Variants in EPYC observed in about 807,000 individuals in gnomAD.
The protein encoded by EPYC is dermatan sulfate proteoglycan 3.
In EPYC, 28 loss-of-function variants were observed where a neutral mutation model predicts 30.1. The ratio of observed to expected loss-of-function variants is 0.93; its 90% confidence interval spans 0.69 to 1.28. The LOEUF (loss-of-function observed/expected upper bound fraction) is 1.28. Among genes scored for constraint, EPYC ranks in the 50% most tolerant of loss-of-function variants. EPYC has a pLI of 0.00. For missense variants in EPYC, 382 were observed against 383.5 expected (o/e 1.00, Z 0.03); for synonymous variants, 144 against 141.4 (o/e 1.02, Z -0.13).
intron 3 of EPYC, among the ~76,000 whole-genome samples, chr12:90,974,072 A>ACACACACC (rs71094701): frequency 0.021 from 3,097 of 144,092 alleles, 38 homozygotes; most frequent in Middle Eastern, 0.045. Flanking sequence ...ACACACACAC[A>ACACACACC]CCCCTACCTC....
chr12:90,991,616 G>A (rs1281321916), intron 2 of EPYC, among the ~76,000 whole-genome samples: 2 of 152,112 alleles, frequency 1.3e-5, no homozygotes, highest in Non-Finnish European at 2.9e-5. Flanking sequence ...AGATGACACA[G>A]TACTAGAGAA....
intron 2 of EPYC, among the ~76,000 whole-genome samples, chr12:90,987,777 GGT>G (rs538650633): frequency 9.2e-4 from 140 of 152,078 alleles, no homozygotes; most frequent in Non-Finnish European, 1.8e-3. Context: ...CTATCTATGT[GGT>G]ATTCTATGTG....
intron 2 of EPYC, among the ~76,000 whole-genome samples, chr12:90,990,740 AG>A (rs1877563796): frequency 6.6e-6 from 1 of 152,170 alleles, no homozygotes; most frequent in African/African-American, 2.4e-5. Flanking sequence ...CTCTTTTCCA[AG>A]GGATCGAACT....
chr12:90,995,922 G>C (rs529069433), intron 2 of EPYC, among the ~76,000 whole-genome samples: 1 of 151,852 alleles, frequency 6.6e-6, no homozygotes, highest in Admixed American at 6.6e-5. Context: ...AGAGAGATTA[G>C]CTTTTATTTT....
At chr12:90,970,944 T>C (rs1005303170) in intron 5 of EPYC, among the ~76,000 whole-genome samples, 1 of 152,232 alleles carries the variant, frequency 6.6e-6, no homozygotes, top group African/African-American at 2.4e-5. Flanking sequence ...GAAAGCCAGT[T>C]GGTTACTGTT....
At chr12:90,973,846 G>A (rs1479067684) in intron 3 of EPYC, among the ~76,000 whole-genome samples, 2 of 152,076 alleles carry the variant, frequency 1.3e-5, no homozygotes, top group African/African-American at 4.8e-5. Context: ...ATACGATGCG[G>A]TTTGCATGGT....
intron 2 of EPYC, among the ~76,000 whole-genome samples, chr12:90,982,885 T>G (rs564652622): frequency 6.6e-6 from 1 of 152,284 alleles, no homozygotes; most frequent in East Asian, 1.9e-4. Context: ...TATCCATCCA[T>G]CCATTGATGG....
At chr12:90,994,496 T>C (rs974443276) in intron 2 of EPYC, among the ~76,000 whole-genome samples, 1 of 152,164 alleles carries the variant, frequency 6.6e-6, no homozygotes, top group African/African-American at 2.4e-5. Flanking sequence ...TCTAGAAGTC[T>C]GACTTTAGGC....
intron 3 of EPYC, 71 bp from the exon 4 acceptor site, chr12:90,973,051 T>A: frequency 1.8e-6 from 2 of 1,107,858 alleles, no homozygotes; most frequent in Non-Finnish European, 1.3e-6. Flanking sequence ...GTGGAATGTT[T>A]GATACACAAG....
At chr12:90,964,701 C>T (rs1876851689) in intron 6 of EPYC, among the ~76,000 whole-genome samples, 1 of 151,880 alleles carries the variant, frequency 6.6e-6, no homozygotes, top group Non-Finnish European at 1.5e-5. Flanking sequence ...GGAAAAAAAA[C>T]AAGGGAAGAA....
intron 3 of EPYC, among the ~76,000 whole-genome samples, chr12:90,977,335 A>G (rs1370723519): frequency 6.6e-6 from 1 of 152,202 alleles, no homozygotes; most frequent in Non-Finnish European, 1.5e-5. Context: ...TTATAGAATT[A>G]CATGTAGCAC....
chr12:90,995,043 C>G (rs1329476711), intron 2 of EPYC, among the ~76,000 whole-genome samples: 1 of 152,094 alleles, frequency 6.6e-6, no homozygotes, highest in Non-Finnish European at 1.5e-5. Context: ...GTTTAACATA[C>G]TGACATATAG....
chr12:90,980,990 T>C (rs1877312687), intron 2 of EPYC, among the ~76,000 whole-genome samples: 1 of 152,120 alleles, frequency 6.6e-6, no homozygotes, highest in African/African-American at 2.4e-5. Context: ...CATCTTTGAG[T>C]TGACTGGTTT....
At chr12:91,002,189 C>CAAAAAAAAAA (rs34987645) in intron 2 of EPYC, among the ~76,000 whole-genome samples, 3 of 73,462 alleles carry the variant, frequency 4.1e-5, no homozygotes, top group African/African-American at 5.8e-5. Flanking sequence ...GACACTGTCT[C>CAAAAAAAAAA]AAAAAAAAAA....
intron 2 of EPYC, among the ~76,000 whole-genome samples, chr12:90,990,563 C>T (rs1877559315): frequency 6.6e-6 from 1 of 152,104 alleles, no homozygotes; most frequent in Non-Finnish European, 1.5e-5. Flanking sequence ...TAAACAAGTT[C>T]AAAGACCACA....
rs115558371 is a variant in EPYC at position 90,965,854 on chromosome 12, T to C, written c.799-1528A>G. On this transcript the variant is annotated intron_variant, in intron 6 of 6. Coordinates refer to ENST00000261172, the MANE Select transcript of EPYC (RefSeq NM_004950.5). Reference sequence around the variant, plus strand: ...AGAGCTTGTACTGCCTTTGTTAAATTTCTTTTAGATACCTTTAAAATTTTG... The same window carrying C: ...AGAGCTTGTACTGCCTTTGTTAAATCTCTTTTAGATACCTTTAAAATTTTG... 3.0e-3 allele frequency among the ~76,000 whole-genome samples: 458 copies of C among 152,194 alleles called. 4 individuals carry two copies. Among genetic ancestry groups the C allele is most frequent in the African/African-American group, 0.011 (442 of 41,576 alleles).
At chr12:90,989,920 C>T (rs1023524836) in intron 2 of EPYC, among the ~76,000 whole-genome samples, 2 of 151,952 alleles carry the variant, frequency 1.3e-5, no homozygotes, top group Admixed American at 1.3e-4. Flanking sequence ...TGGTAGGGAA[C>T]TTTGGCAAAC....
chr12:90,986,531 A>T (rs1161900861), intron 2 of EPYC, among the ~76,000 whole-genome samples: 5 of 152,160 alleles, frequency 3.3e-5, no homozygotes, highest in Non-Finnish European at 5.9e-5. Context: ...GAAGCAGGAT[A>T]GTTGTCCAGA....
intron 2 of EPYC, among the ~76,000 whole-genome samples, chr12:90,982,499 C>T (rs1298289027): frequency 6.6e-6 from 1 of 152,044 alleles, no homozygotes; most frequent in African/African-American, 2.4e-5. Flanking sequence ...CCCAGGCAAT[C>T]ACTTACCAAC....
Sources: gnomAD v4.1 joint callset for allele counts (sites outside exome capture counted in the v4.1 genomes callset) on GRCh38, gnomAD v4.1.1 for gene constraint, MANE v1.5 for transcripts, NCBI Gene and HGNC (gene_info 2026-07-23, HGNC 2026-07-21) for gene names.